KCNMA1: variants seen among roughly 807,000 people sequenced by gnomAD.
The protein encoded by KCNMA1 is potassium calcium-activated channel subfamily M alpha 1.
In KCNMA1, 29 loss-of-function variants were observed where a neutral mutation model predicts 140.0. That is an observed-to-expected ratio of 0.21 (90% CI 0.15 to 0.28). The LOEUF is 0.28. Among genes scored for constraint, KCNMA1 ranks in the 10% least tolerant of loss-of-function variants. The pLI is 1.00. For missense variants in KCNMA1, 880 were observed against 1,602.2 expected, an observed-to-expected ratio of 0.55 and a Z score of 7.70; for synonymous variants, 612 against 611.9, an observed-to-expected ratio of 1.00 and a Z score of 0.00.
intron 23 of KCNMA1, among the ~76,000 whole-genome samples, chr10:76,928,408 T>C (rs74139882): frequency 0.023 from 3,496 of 152,084 alleles, 129 homozygotes; most frequent in African/African-American, 0.08. Flanking sequence ...CTTCCCCACA[T>C]TGGAACTCAG....
At chr10:77,137,418 G>T (rs1388274276) in intron 5 of KCNMA1, among the ~76,000 whole-genome samples, 2 of 152,176 alleles carry the variant, frequency 1.3e-5, no homozygotes, top group Non-Finnish European at 2.9e-5. Context: ...CAAGGTCATT[G>T]TTATCTGGCC....
At chr10:77,400,370 T>C (rs2096223694) in intron 2 of KCNMA1, among the ~76,000 whole-genome samples, 1 of 152,206 alleles carries the variant, frequency 6.6e-6, no homozygotes, top group African/African-American at 2.4e-5. Flanking sequence ...AGCTGGCACC[T>C]TGGGCAGGCT....
chr10:77,409,360 C>T (rs1167846571), intron 1 of KCNMA1, among the ~76,000 whole-genome samples: 1 of 152,198 alleles, frequency 6.6e-6, no homozygotes, highest in Non-Finnish European at 1.5e-5. Context: ...AAAACTGAGG[C>T]CCAGAGGGAA....
At chr10:77,618,108 A>G (rs1452439684) in intron 1 of KCNMA1, among the ~76,000 whole-genome samples, 3 of 152,152 alleles carry the variant, frequency 2.0e-5, no homozygotes, top group African/African-American at 7.2e-5. Flanking sequence ...ATCCGGACAG[A>G]TGCAGAGGGT....
At chr10:77,335,985 A>C (rs931120701) in intron 2 of KCNMA1, among the ~76,000 whole-genome samples, 9 of 152,298 alleles carry the variant, frequency 5.9e-5, no homozygotes, top group African/African-American at 2.2e-4. Flanking sequence ...GAATGAGAGG[A>C]TGAAGAAAAC....
intron 3 of KCNMA1, among the ~76,000 whole-genome samples, chr10:77,201,754 A>G (rs1419438412): frequency 6.6e-6 from 1 of 152,144 alleles, no homozygotes; most frequent in Non-Finnish European, 1.5e-5. Flanking sequence ...CTGATGGAAG[A>G]GTTCTGTATA....
intron 6 of KCNMA1, among the ~76,000 whole-genome samples, chr10:77,114,908 C>T (rs995598567): frequency 1.3e-5 from 2 of 152,196 alleles, no homozygotes; most frequent in Non-Finnish European, 2.9e-5. Context: ...CAGTTCATCT[C>T]TGTTATGACT....
At chr10:77,587,975 T>C (rs2077765749) in intron 1 of KCNMA1, 2 of 522,480 alleles carry the variant, frequency 3.8e-6, no homozygotes, top group African/African-American at 2.1e-5. Context: ...CAAAGCACTC[T>C]ATTTTAAGTT....
chr10:77,387,398 C>T (rs2095641103), intron 2 of KCNMA1, among the ~76,000 whole-genome samples: 2 of 152,138 alleles, frequency 1.3e-5, no homozygotes, highest in African/African-American at 2.4e-5. Context: ...ACAAGCCCCA[C>T]TTTAATCACA....
intron 5 of KCNMA1, among the ~76,000 whole-genome samples, chr10:77,126,862 C>T (rs1179949954): frequency 2.0e-5 from 3 of 152,048 alleles, no homozygotes; most frequent in African/African-American, 7.2e-5. Context: ...GAGTTCTCCA[C>T]CCTTATTCCC....
chr10:77,021,248 A>C (rs1327712405), intron 16 of KCNMA1: 1 of 152,240 alleles, frequency 6.6e-6, no homozygotes, highest in Admixed American at 6.5e-5. Flanking sequence ...TCTCATCTGT[A>C]AAATGGGTCC....
chr10:77,620,947 C>T (rs1264142902), intron 1 of KCNMA1, among the ~76,000 whole-genome samples: 3 of 152,114 alleles, frequency 2.0e-5, no homozygotes, highest in Non-Finnish European at 4.4e-5. Context: ...ATGTGGTTAC[C>T]GGTATTGCCA....
chr10:77,197,622 T>C (rs2040964425), intron 3 of KCNMA1, among the ~76,000 whole-genome samples: 1 of 152,174 alleles, frequency 6.6e-6, no homozygotes, highest in Admixed American at 6.5e-5. Flanking sequence ...GCTGCTTTAA[T>C]TCATGCATGC....
chr10:77,252,149 T>C (rs531495728), intron 2 of KCNMA1, among the ~76,000 whole-genome samples: 6 of 152,344 alleles, frequency 3.9e-5, no homozygotes, highest in South Asian at 4.1e-4. Flanking sequence ...CTTCAGTGGA[T>C]ACCTGTCATG....
chr10:77,208,493 AT>A (rs2044897275), intron 3 of KCNMA1, among the ~76,000 whole-genome samples: 4 of 152,210 alleles, frequency 2.6e-5, no homozygotes, highest in Non-Finnish European at 4.4e-5. Context: ...CTAAAAATAA[AT>A]AATAAGTAAA....
chr10:77,486,963 C>T (rs549283009), intron 1 of KCNMA1, among the ~76,000 whole-genome samples: 13 of 152,358 alleles, frequency 8.5e-5, no homozygotes, highest in Admixed American at 2.6e-4. Context: ...GCTAAGCATC[C>T]GCTCAGGACC....
chr10:76,989,742 T>G (rs2082230388), intron 19 of KCNMA1, among the ~76,000 whole-genome samples: 1 of 152,146 alleles, frequency 6.6e-6, no homozygotes, highest in East Asian at 1.9e-4. Flanking sequence ...AGCCACTATC[T>G]GTGGGCTTCT....
chr10:77,007,991 C>T (rs1207152424), intron 18 of KCNMA1, among the ~76,000 whole-genome samples: 1 of 152,046 alleles, frequency 6.6e-6, no homozygotes, highest in Non-Finnish European at 1.5e-5. Flanking sequence ...TCCCTGGGGA[C>T]TCTCTGGCTC....
intron 2 of KCNMA1, among the ~76,000 whole-genome samples, chr10:77,284,107 T>C (rs1468719978): frequency 6.6e-6 from 1 of 152,124 alleles, no homozygotes; most frequent in Non-Finnish European, 1.5e-5. Context: ...AAAGACAATA[T>C]GACCAGGGCT....
Sources: gnomAD v4.1 joint callset for allele counts (sites outside exome capture counted in the v4.1 genomes callset) on GRCh38, gnomAD v4.1.1 for gene constraint, MANE v1.5 for transcripts, NCBI Gene and HGNC (gene_info 2026-07-23, HGNC 2026-07-21) for gene names.